PDGFC: variants seen among roughly 807,000 people sequenced by gnomAD.
PDGFC encodes platelet derived growth factor C, also known as platelet-derived growth factor C.
A neutral mutation model predicts 35.5 loss-of-function variants in PDGFC; 12 were observed. That is an observed-to-expected ratio of 0.34 (90% CI 0.22 to 0.55). The LOEUF (loss-of-function observed/expected upper bound fraction) is 0.55, where lower values mean the gene tolerates loss of function less well. Ranked by LOEUF, PDGFC falls within the 20% of genes least tolerant of loss-of-function variation. The pLI is 0.91. For missense variants in PDGFC, 322 were observed against 412.4 expected, an observed-to-expected ratio of 0.78 and a Z score of 1.90; for synonymous variants, 159 against 148.8, an observed-to-expected ratio of 1.07 and a Z score of -0.50.
intron 1 of PDGFC, among the ~76,000 whole-genome samples, chr4:156,911,507 A>G (rs922511450): frequency 9.2e-5 from 14 of 152,128 alleles, no homozygotes; most frequent in African/African-American, 3.4e-4. Flanking sequence ...CAGTAATAAT[A>G]GTTAAAGGTT....
At chr4:156,952,154 G>A (rs1483745206) in intron 1 of PDGFC, among the ~76,000 whole-genome samples, 1 of 151,758 alleles carries the variant, frequency 6.6e-6, no homozygotes, top group Non-Finnish European at 1.5e-5. Context: ...AATCAAAACT[G>A]TATTTCTAGA....
chr4:156,796,674 T>A (rs560570247), intron 3 of PDGFC, among the ~76,000 whole-genome samples: 1 of 152,196 alleles, frequency 6.6e-6, no homozygotes, highest in Admixed American at 6.5e-5. Context: ...CTGTATTCTC[T>A]GAGTGTACTT....
chr4:156,863,092 T>A (rs1013528222), intron 1 of PDGFC, among the ~76,000 whole-genome samples: 2 of 152,196 alleles, frequency 1.3e-5, no homozygotes, highest in Non-Finnish European at 2.9e-5. Context: ...AAACTAATTG[T>A]ATCATGCACA....
intron 1 of PDGFC, among the ~76,000 whole-genome samples, chr4:156,892,137 C>T (rs1004813109): frequency 2.0e-5 from 3 of 152,140 alleles, no homozygotes; most frequent in Admixed American, 1.3e-4. Context: ...AATTAAAATA[C>T]CTAATTTTTA....
chr4:156,825,593 T>TAAGAAGAAGAAGAAGAAGAAGAAGAAG (rs60033232), intron 2 of PDGFC, among the ~76,000 whole-genome samples: 3 of 62,190 alleles, frequency 4.8e-5, no homozygotes, highest in East Asian at 4.7e-4. Flanking sequence ...ATAATAATAA[T>TAAGAAGAAGAAGAAGAAGAAGAAGAAG]AAGAAGAAGA....
At chr4:156,891,075 A>G (rs529506950) in intron 1 of PDGFC, among the ~76,000 whole-genome samples, 1 of 152,160 alleles carries the variant, frequency 6.6e-6, no homozygotes, top group Non-Finnish European at 1.5e-5. Context: ...GGTATAGCCT[A>G]TTGCTTTTTG....
chr4:156,794,686 AC>A (rs1731393276), intron 3 of PDGFC, among the ~76,000 whole-genome samples: 1 of 152,068 alleles, frequency 6.6e-6, no homozygotes, highest in South Asian at 2.1e-4. Context: ...TTCTAGTAGA[AC>A]ACTCACTCCT....
chr4:156,909,626 T>G (rs1020308093), intron 1 of PDGFC, among the ~76,000 whole-genome samples: 3 of 152,208 alleles, frequency 2.0e-5, no homozygotes, highest in Non-Finnish European at 4.4e-5. Context: ...CACATGTATT[T>G]CCACAAATAT....
At chr4:156,835,532 C>G (rs1729042726) in intron 2 of PDGFC, among the ~76,000 whole-genome samples, 1 of 152,160 alleles carries the variant, frequency 6.6e-6, no homozygotes, top group Non-Finnish European at 1.5e-5. Context: ...GGAACCAGAT[C>G]TTCTAGTGCT....
intron 1 of PDGFC, among the ~76,000 whole-genome samples, chr4:156,885,794 A>G (rs1195050045): frequency 6.6e-6 from 1 of 152,160 alleles, no homozygotes; most frequent in Non-Finnish European, 1.5e-5. Flanking sequence ...CTGAGGTGGG[A>G]GAACTGTCTA....
chr4:156,879,836 G>T (rs942732275), intron 1 of PDGFC, among the ~76,000 whole-genome samples: 1 of 152,090 alleles, frequency 6.6e-6, no homozygotes, highest in East Asian at 1.9e-4. Context: ...GACTTTCAAG[G>T]ATACAACTTT....
At chr4:156,831,746 C>A (rs533738182) in intron 2 of PDGFC, among the ~76,000 whole-genome samples, 1 of 151,340 alleles carries the variant, frequency 6.6e-6, no homozygotes, top group Non-Finnish European at 1.5e-5. Context: ...CCGGCCAACC[C>A]TGTCTCTTGA....
At chr4:156,933,028 C>G (rs1177916607) in intron 1 of PDGFC, among the ~76,000 whole-genome samples, 1 of 152,166 alleles carries the variant, frequency 6.6e-6, no homozygotes, top group Non-Finnish European at 1.5e-5. Context: ...AGAACCTAGT[C>G]TCTGCCGCTC....
chr4:156,875,105 A>G (rs1730080984), intron 1 of PDGFC, among the ~76,000 whole-genome samples: 1 of 152,146 alleles, frequency 6.6e-6, no homozygotes, highest in African/African-American at 2.4e-5. Flanking sequence ...ATTGCAATTA[A>G]CAGGGAAAAA....
chr4:156,795,991 G>C (rs1009897888), intron 3 of PDGFC, among the ~76,000 whole-genome samples: 5 of 152,092 alleles, frequency 3.3e-5, no homozygotes, highest in African/African-American at 9.7e-5. Flanking sequence ...GACTATTTAT[G>C]TTTCACACGT....
intron 2 of PDGFC, among the ~76,000 whole-genome samples, chr4:156,825,588 A>G (rs1732432165): frequency 2.1e-5 from 2 of 97,288 alleles, no homozygotes; most frequent in African/African-American, 9.2e-5. Flanking sequence ...TAATAATAAT[A>G]ATAATAAGAA....
chr4:156,904,670 C>T (rs1255440865), intron 1 of PDGFC, among the ~76,000 whole-genome samples: 1 of 152,116 alleles, frequency 6.6e-6, no homozygotes, highest in Non-Finnish European at 1.5e-5. Flanking sequence ...CAACTAGCTA[C>T]TCTCACCTGA....
At chr4:156,852,415 G>C (rs1451454397) in intron 1 of PDGFC, among the ~76,000 whole-genome samples, 1 of 152,086 alleles carries the variant, frequency 6.6e-6, no homozygotes, top group African/African-American at 2.4e-5. Context: ...TGGTATTATA[G>C]CTTTCTGCCA....
chr4:156,852,923 G>A (rs1047129697), intron 1 of PDGFC, among the ~76,000 whole-genome samples: 4 of 152,140 alleles, frequency 2.6e-5, no homozygotes, highest in African/African-American at 9.7e-5. Flanking sequence ...TGAGGACCCT[G>A]GTCAGCTTGG....
Sources: gnomAD v4.1 joint callset for allele counts (sites outside exome capture counted in the v4.1 genomes callset) on GRCh38, gnomAD v4.1.1 for gene constraint, MANE v1.5 for transcripts, NCBI Gene and HGNC (gene_info 2026-07-23, HGNC 2026-07-21) for gene names.